TMEM255A: variants seen among roughly 807,000 people sequenced by gnomAD.
TMEM255A encodes transmembrane protein 255A.
In TMEM255A, 14 loss-of-function variants were observed where a neutral mutation model predicts 23.5. The observed-to-expected ratio is 0.60, with a 90% CI of 0.39 to 0.93. TMEM255A has a LOEUF of 0.93. TMEM255A is among the 40% of genes least tolerant of loss of function. TMEM255A has a pLI of 0.00. For missense variants in TMEM255A, 233 were observed against 261.7 expected (o/e 0.89, Z 0.76); for synonymous variants, 104 against 100.3 (o/e 1.04, Z -0.22).
intron 7 of TMEM255A, among the ~76,000 whole-genome samples, chrX:120,269,153 G>A (rs1195597266): frequency 2.8e-5 from 3 of 108,468 alleles, no homozygotes; most frequent in Admixed American, 2.0e-4. Flanking sequence ...CAAATAAAAC[G>A]ATGCAGACAT....
intron 8 of TMEM255A, among the ~76,000 whole-genome samples, chrX:120,267,211 A>G (rs1162436602): frequency 1.8e-5 from 2 of 112,266 alleles, no homozygotes; most frequent in Admixed American, 9.4e-5. Context: ...ACCAACCACA[A>G]CAACACTTTA....
Position 120,260,207 on chromosome X carries a change from T to A in TMEM255A, c.*663A>T. 2 of 751,924 alleles carry A rather than the reference T, an allele frequency of 2.7e-6. No homozygotes were observed. The highest frequency in any genetic ancestry group is 3.1e-6 in the Non-Finnish European group (2 of 636,623). The allele number at this position is 751,924 out of a possible 1,213,427, so 62.0% of individuals were successfully genotyped here. A position where few individuals can be genotyped will look rare whatever the true frequency, so the allele number is the denominator to read the frequency against. On this transcript the variant is annotated 3_prime_UTR_variant, in exon 9 of 9. Coordinates refer to ENST00000371369, the MANE Select transcript of TMEM255A (RefSeq NM_001104544.3). ...AGTGTTTCCGGAACAATACATCCTG[T>A]TCCCCACTACTGAAGATGCAAGAAT...
Position 120,273,107 on chromosome X carries a change from C to T in TMEM255A, c.675+3778G>A, listed in dbSNP as rs113501974. 532 of 152,442 alleles carry T rather than the reference C, an allele frequency of 3.5e-3. 3 individuals are homozygous for T. The highest frequency in any genetic ancestry group is 4.1e-3 in the African/African-American group (131 of 31,663). 12.6% of individuals were successfully genotyped at this position (152,442 alleles called of 1,213,427 possible). On this transcript the variant is annotated intron_variant, in intron 7 of 8. Transcript: ENST00000371369. ...ACTTTACCTGGGTTATCACATCAGC[C>T]CTCACAAGTCCACAGGTAGGTGCTA...
intron 7 of TMEM255A, 86 bp downstream of exon 7, chrX:120,276,799 T>C (rs1308909739): frequency 3.1e-6 from 3 of 969,365 alleles, no homozygotes; most frequent in Non-Finnish European, 4.3e-6. Context: ...CTTCAAAATA[T>C]GTGTCTGCAT....
At chrX:120,294,126 T>C in intron 2 of TMEM255A, 75 bp from the exon 3 acceptor site, 1 of 833,908 alleles carries the variant, frequency 1.2e-6, no homozygotes, top group Non-Finnish European at 1.7e-6. Context: ...AGCCCCTTCA[T>C]ATGATTCAGG....
chrX:120,254,642 A>C (rs2057625306), downstream of TMEM255A: 1 of 1,212,019 alleles, frequency 8.3e-7, no homozygotes, highest in Admixed American at 2.2e-5. Context: ...CAAAACATCT[A>C]ATGGAGGGTC....
chrX:120,290,943 T>C (rs1350124256), intron 4 of TMEM255A, among the ~76,000 whole-genome samples: 2 of 111,455 alleles, frequency 1.8e-5, no homozygotes, highest in East Asian at 2.8e-4. Context: ...TTCTCAAATC[T>C]TACCCACGTG....
At chrX:120,277,447 A>G (rs1390705292) in intron 6 of TMEM255A, among the ~76,000 whole-genome samples, 2 of 112,684 alleles carry the variant, frequency 1.8e-5, no homozygotes, top group Non-Finnish European at 3.7e-5. Context: ...AGTAAAAAGA[A>G]AAATTCAGTT....
intron 8 of TMEM255A, among the ~76,000 whole-genome samples, chrX:120,265,787 T>C (rs1556017473): frequency 9.0e-6 from 1 of 111,275 alleles, no homozygotes; most frequent in African/African-American, 3.3e-5. Context: ...TGATGATATA[T>C]GTAAAGCACT....
In TMEM255A at chrX:120,285,995, A is replaced by AT. The variant is rs782269486; in HGVS notation, c.424-781dup. The AT allele has an allele frequency of 6.6e-4, 630 of 953,439 alleles. 3 individuals carry two copies. In the African/African-American group the frequency reaches 0.011, roughly 17 times the overall value. The allele number at this position is 953,439 out of a possible 1,213,427, so 78.6% of individuals were successfully genotyped here. ...TAGAGAATATTCATAGCAAATGGGC[A>AT]TTTTTTTCTATATTGGGTCCTTCAT... On this transcript the variant is annotated intron_variant, in intron 5 of 8. Coordinates refer to ENST00000371369, the MANE Select transcript of TMEM255A (RefSeq NM_001104544.3).
At chrX:120,253,129 G>T in the TMEM255A span, among the ~76,000 whole-genome samples, 34 of 111,469 alleles carry the variant, frequency 3.1e-4, no homozygotes, top group Non-Finnish European at 1.3e-4. Flanking sequence ...ATCACTTAGT[G>T]GAGGTGCATG....
At chrX:120,293,081 G>A (rs1456489575) in intron 3 of TMEM255A, among the ~76,000 whole-genome samples, 1 of 112,023 alleles carries the variant, frequency 8.9e-6, no homozygotes, top group Non-Finnish European at 1.9e-5. Flanking sequence ...TCCCCATATC[G>A]CTGGGGGAAA....
intron 2 of TMEM255A, among the ~76,000 whole-genome samples, chrX:120,297,559 A>T (rs1556025092): frequency 9.0e-6 from 1 of 111,110 alleles, no homozygotes. Flanking sequence ...AAGTTAAAGA[A>T]GCACTTGCCC....
At chrX:120,280,209 G>A (rs1395111200) in intron 6 of TMEM255A, among the ~76,000 whole-genome samples, 1 of 107,953 alleles carries the variant, frequency 9.3e-6, no homozygotes, top group Non-Finnish European at 1.9e-5. Context: ...GCCCAGGCTG[G>A]CCTCGAACTC....
chrX:120,289,583 A>G (rs1250279498), intron 4 of TMEM255A, among the ~76,000 whole-genome samples: 1 of 112,293 alleles, frequency 8.9e-6, no homozygotes. Flanking sequence ...AATGTAAAAT[A>G]GTGCAGCCAC....
At position 120,287,198 on chromosome X, in the gene TMEM255A, G is replaced by C. The variant is rs12845457; in HGVS notation, c.379C>G (p.Arg127Gly). ...GATGTCTTGGGAACATAATGGCACCGGTTAGCGTAGAGTGGTTTCAGATCC... is the reference window on the plus strand; with the variant it reads ...GATGTCTTGGGAACATAATGGCACCCGTTAGCGTAGAGTGGTTTCAGATCC... Reference protein sequence around the residue: ...HIDLKPLYANRCHYVPKTSQK... With the variant: ...HIDLKPLYANGCHYVPKTSQK... Residue 127 changes from arginine (R) to glycine (G), a missense_variant, in exon 5 of 9, where the codon CGG becomes GGG. Transcript: ENST00000371369. The C allele has an allele frequency of 1.7e-6, 2 of 1,208,032 alleles. No individual in the cohort carries two copies. Among genetic ancestry groups the C allele is most frequent in the African/African-American group, 3.5e-5 (2 of 56,576 alleles).
At chrX:120,254,118 A>G (rs2057619535), downstream of TMEM255A, 2 of 1,209,465 alleles carry the variant, frequency 1.7e-6, no homozygotes, top group African/African-American at 3.5e-5. Flanking sequence ...TAGTGCTAGC[A>G]ATAACTCGCC....
chrX:120,295,352 C>T (rs1474692533), intron 2 of TMEM255A, among the ~76,000 whole-genome samples: 2 of 110,804 alleles, frequency 1.8e-5, no homozygotes. Context: ...TCTAAGAGAC[C>T]CAAGGGCTGG....
chrX:120,289,967 T>C (rs2057903378), intron 4 of TMEM255A, among the ~76,000 whole-genome samples: 1 of 111,125 alleles, frequency 9.0e-6, no homozygotes, highest in East Asian at 2.8e-4. Context: ...ATGTCTAGAA[T>C]AGGGATACCT....
Sources: allele counts gnomAD v4.1 joint callset (sites outside exome capture counted in the v4.1 genomes callset), GRCh38; gene constraint gnomAD v4.1.1; transcripts MANE v1.5; gene names NCBI Gene and HGNC (gene_info 2026-07-23, HGNC 2026-07-21).